Variants in ASCC2 observed in about 807,000 individuals in gnomAD.
The protein encoded by ASCC2 is activating signal cointegrator 1 complex subunit 2.
Under a neutral mutation model 93.5 loss-of-function variants are expected in ASCC2, and 42 were observed. The observed-to-expected ratio is 0.45, with a 90% CI of 0.35 to 0.58. The LOEUF (loss-of-function observed/expected upper bound fraction) is 0.58, where lower values mean the gene tolerates loss of function less well. Among genes scored for constraint, ASCC2 ranks in the 20% least tolerant of loss-of-function variants. ASCC2 has a pLI of 0.00. For synonymous variants in ASCC2, 364 were observed against 384.2 expected (o/e 0.95, Z 0.62); for missense variants, 859 against 977.6 (o/e 0.88, Z 1.62).
intron 12 of ASCC2, 40 bp from the exon 13 acceptor site, chr22:29,804,870 C>A: frequency 6.3e-7 from 1 of 1,592,108 alleles, no homozygotes; most frequent in Non-Finnish European, 8.6e-7. Context: ...AAGCTCCTAG[C>A]TCTGAAGCAG....
At chr22:29,833,396 G>C in intron 1 of ASCC2, 1 of 342,448 alleles carries the variant, frequency 2.9e-6, no homozygotes, top group South Asian at 2.2e-5. Context: ...GAAGAAGTAC[G>C]TGGAAGAATA....
rs12627866 is a variant in ASCC2, at chr22:29,806,995, T to G, written c.909-91A>C. The G allele has an allele frequency of 1.6e-5, 15 of 957,518 alleles. No homozygotes were observed. The East Asian group carries it at 3.9e-4, about 25-fold the overall frequency. The allele number at this position is 957,518 out of a possible 1,614,324, so 59.3% of individuals were successfully genotyped here. A position where few individuals can be genotyped will look rare whatever the true frequency, so the allele number is the denominator to read the frequency against. On this transcript the variant is annotated intron_variant, in intron 9 of 19. Coordinates refer to ENST00000307790, the MANE Select transcript of ASCC2 (RefSeq NM_032204.5). The stretch of plus-strand genomic sequence containing the variant: ...GGTTTACACCTGAAACCCTAGCATC[T>G]TGGGAATCTGAGGTGGGAGGATCAC...
In ASCC2 at chr22:29,789,107, C is replaced by A. The variant is rs373433240; in HGVS notation, c.2180G>T (p.Arg727Leu). Residue 727 changes from arginine (R) to leucine (L), a missense_variant, in exon 20 of 20, where the codon CGC becomes CTC. Physicochemically the swap from Arg to Leu is moderately radical, Grantham distance 102 (BLOSUM62 -2). Transcript: ENST00000307790. ...HGQSRETTQE[R>L]RKKEANKATR... ...CGCCTTGTTGGCTTCCTTCTTCCTG[C>A]GTTCCTGGGTTGTCTCGCGGCTCTG... 6.2e-7 allele frequency: 1 copy of A among 1,614,168 alleles called. No homozygotes were observed. The highest frequency in any genetic ancestry group is 8.5e-7 in the Non-Finnish European group (1 of 1,180,016).
At chr22:29,835,553 T>C (rs1453557286) in intron 1 of ASCC2, among the ~76,000 whole-genome samples, 2 of 152,296 alleles carry the variant, frequency 1.3e-5, no homozygotes, top group Non-Finnish European at 1.5e-5. Context: ...CTCCACCTTT[T>C]CCTATCCATG....
intron 2 of ASCC2, among the ~76,000 whole-genome samples, chr22:29,826,715 C>T (rs183206541): frequency 2.2e-4 from 34 of 152,216 alleles, no homozygotes; most frequent in Middle Eastern, 3.4e-3. Flanking sequence ...CCTGGGACTA[C>T]ACTCCCAGGC....
At chr22:29,794,677 G>A (rs1423488567) in intron 15 of ASCC2, among the ~76,000 whole-genome samples, 3 of 152,226 alleles carry the variant, frequency 2.0e-5, no homozygotes, top group Non-Finnish European at 2.9e-5. Context: ...GAGTGAAAGA[G>A]CCAAATGAAC....
Position 29,830,062 on chromosome 22 carries a change from C to T in ASCC2, c.81+2183G>A, listed in dbSNP as rs9614068. On this transcript the variant is annotated intron_variant, in intron 2 of 19. Coordinates refer to ENST00000307790, the MANE Select transcript of ASCC2 (RefSeq NM_032204.5). ...TCAGTCTGCCAGCAAGACCCCTCTT[C>T]GATCAGGCAGCTGTCTCCCTCAACT... Among the ~76,000 whole-genome samples, 385 of 152,272 alleles carry T rather than the reference C, an allele frequency of 2.5e-3. 3 individuals carry two copies. Among genetic ancestry groups the T allele is most frequent in the Non-Finnish European group, 5.0e-3 (338 of 68,024 alleles).
chr22:29,831,404 G>T (rs997024999), intron 2 of ASCC2, among the ~76,000 whole-genome samples: 52 of 152,316 alleles, frequency 3.4e-4, no homozygotes, highest in African/African-American at 1.3e-3. Flanking sequence ...GTAGGGCTGT[G>T]ATGTGGACTA....
chr22:29,805,631 C>T (rs1431175300), intron 12 of ASCC2, among the ~76,000 whole-genome samples: 1 of 152,166 alleles, frequency 6.6e-6, no homozygotes, highest in Non-Finnish European at 1.5e-5. Flanking sequence ...ACCTGCAACA[C>T]CCCAATTCCT....
intron 8 of ASCC2, among the ~76,000 whole-genome samples, chr22:29,811,460 G>T (rs1312132992): frequency 2.0e-5 from 3 of 152,186 alleles, no homozygotes; most frequent in Non-Finnish European, 4.4e-5. Context: ...AGCTATACTT[G>T]AATAGATGGG....
chr22:29,837,487 A>C (rs964454791), intron 1 of ASCC2, among the ~76,000 whole-genome samples: 2 of 152,192 alleles, frequency 1.3e-5, no homozygotes, highest in Admixed American at 1.3e-4. Context: ...CAAAAGGACA[A>C]ACAATAATCA....
intron 18 of ASCC2, among the ~76,000 whole-genome samples, chr22:29,791,715 C>A (rs1253216489): frequency 6.6e-6 from 1 of 152,168 alleles, no homozygotes; most frequent in South Asian, 2.1e-4. Context: ...AACACACACA[C>A]ACACACAAAA....
intron 9 of ASCC2, among the ~76,000 whole-genome samples, chr22:29,807,365 G>A (rs1466144257): frequency 6.6e-6 from 1 of 152,132 alleles, no homozygotes; most frequent in Non-Finnish European, 1.5e-5. Flanking sequence ...ACTGCTGAGA[G>A]CAGCTGGCAA....
At position 29,834,834 on chromosome 22, in the gene ASCC2, T is replaced by TA. The variant is rs1568967188; in HGVS notation, c.-17-2493dup. On this transcript the variant is annotated intron_variant, in intron 1 of 19. Transcript: ENST00000307790. ...CCTGGGGCTCTTGTGCCGAATATGT[T>TA]AAAAAATAATAATAATAATTTTTTT... Among the ~76,000 whole-genome samples the TA allele has an allele frequency of 2.0e-5, 3 of 151,618 alleles. No individual in the cohort carries two copies. The East Asian group carries it at 5.8e-4, about 29-fold the overall frequency.
chr22:29,792,273 C>T (rs1476151916), intron 18 of ASCC2, among the ~76,000 whole-genome samples, 160 bp downstream of exon 18: 1 of 152,096 alleles, frequency 6.6e-6, no homozygotes, highest in African/African-American at 2.4e-5. Flanking sequence ...AAGCCAGTAG[C>T]TCTCCAAGCA....
chr22:29,791,889 G>A (rs1329887857), intron 18 of ASCC2, among the ~76,000 whole-genome samples: 1 of 152,214 alleles, frequency 6.6e-6, no homozygotes, highest in African/African-American at 2.4e-5. Context: ...CATTGCCGTT[G>A]GTGACCTGGC....
At chr22:29,804,892 A>C in intron 12 of ASCC2, 62 bp from the exon 13 acceptor site, 2 of 1,555,686 alleles carry the variant, frequency 1.3e-6, no homozygotes, top group Non-Finnish European at 1.8e-6. Context: ...ATAATTTCTC[A>C]GTCCCTCCCC....
At position 29,800,979 on chromosome 22, in the gene ASCC2, C is replaced by T; in HGVS notation, c.1688+12G>A. 6.3e-7 allele frequency: 1 copy of T among 1,580,004 alleles called. No individual in the cohort carries two copies. The highest frequency in any genetic ancestry group is 8.7e-7 in the Non-Finnish European group (1 of 1,154,560). ...GTTGGGGTATCGGAACCCCATGGCCCACTGCACTCACCTCTTGCCCTTGTG... is the reference window on the plus strand; with the variant it reads ...GTTGGGGTATCGGAACCCCATGGCCTACTGCACTCACCTCTTGCCCTTGTG... On this transcript the variant is annotated intron_variant, in intron 15 of 19. Transcript: ENST00000307790.
At chr22:29,793,528 G>C (rs768636755) in intron 16 of ASCC2, 38 bp from the exon 17 acceptor site, 60 of 1,613,738 alleles carry the variant, frequency 3.7e-5, no homozygotes, top group Non-Finnish European at 5.1e-5. Context: ...GGGCTCAGGG[G>C]CTGGCCTGGT....
Sources: gnomAD v4.1 joint callset for allele counts (sites outside exome capture counted in the v4.1 genomes callset) on GRCh38, gnomAD v4.1.1 for gene constraint, MANE v1.5 for transcripts, NCBI Gene and HGNC (gene_info 2026-07-23, HGNC 2026-07-21) for gene names.